Variants in LEPR observed in about 807,000 individuals in gnomAD.
LEPR encodes leptin receptor, also known as OB receptor.
Under a neutral mutation model 114.7 loss-of-function variants are expected in LEPR, and 56 were observed. That is an observed-to-expected ratio of 0.49 (90% CI 0.39 to 0.61). LEPR has a LOEUF of 0.61. LEPR is among the 20% of genes least tolerant of loss of function. The pLI is 0.00. For synonymous variants in LEPR, 443 were observed against 461.4 expected (o/e 0.96, Z 0.51); for missense variants, 1,202 against 1,352.9 (o/e 0.89, Z 1.75).
intron 2 of LEPR, among the ~76,000 whole-genome samples, chr1:65,468,703 T>C (rs1448183139): frequency 6.6e-6 from 1 of 152,220 alleles, no homozygotes; most frequent in African/African-American, 2.4e-5. Flanking sequence ...TATAGCTCTA[T>C]GGAACCGTAT....
At chr1:65,501,671 C>T (rs545309017) in intron 2 of LEPR, among the ~76,000 whole-genome samples, 1 of 152,100 alleles carries the variant, frequency 6.6e-6, no homozygotes. Context: ...TCTTGCCTCT[C>T]CCTTAAATAT....
intron 2 of LEPR, among the ~76,000 whole-genome samples, chr1:65,507,917 T>A (rs1324310915): frequency 6.6e-6 from 1 of 152,222 alleles, no homozygotes; most frequent in East Asian, 1.9e-4. Context: ...GTAGTTTTAA[T>A]ATGCATTTCT....
At chr1:65,557,546 A>G (rs944006124) in intron 2 of LEPR, among the ~76,000 whole-genome samples, 1 of 152,060 alleles carries the variant, frequency 6.6e-6, no homozygotes, top group South Asian at 2.1e-4. Flanking sequence ...CAGCCTCCCA[A>G]GTAGCTGGGA....
At chr1:65,458,453 A>T (rs983266788) in intron 2 of LEPR, among the ~76,000 whole-genome samples, 2 of 152,208 alleles carry the variant, frequency 1.3e-5, no homozygotes, top group Non-Finnish European at 2.9e-5. Context: ...CAGAATTCTA[A>T]ATTGGTGATT....
chr1:65,424,241 G>A (rs1646313651), intron 1 of LEPR, among the ~76,000 whole-genome samples: 1 of 152,250 alleles, frequency 6.6e-6, no homozygotes, highest in African/African-American at 2.4e-5. Context: ...GTGCACACTA[G>A]TTGGGAATTG....
chr1:65,613,571 G>A (rs1189550390), intron 14 of LEPR, among the ~76,000 whole-genome samples: 1 of 131,886 alleles, frequency 7.6e-6, no homozygotes, highest in Admixed American at 7.8e-5. Flanking sequence ...GGCTAACAAG[G>A]TGAAACCCCG....
At chr1:65,466,375 G>A (rs977337224) in intron 2 of LEPR, among the ~76,000 whole-genome samples, 2 of 152,126 alleles carry the variant, frequency 1.3e-5, no homozygotes, top group Non-Finnish European at 2.9e-5. Context: ...TGGCTTGTAG[G>A]GTTTCTGCCG....
At chr1:65,589,527 T>TTTTTTTTTTTTTTTTGAGACGGAG in intron 5 of LEPR, among the ~76,000 whole-genome samples, 1 of 152,182 alleles carries the variant, frequency 6.6e-6, no homozygotes, top group African/African-American at 2.4e-5. Flanking sequence ...TTATGTTTTC[T>TTTTTTTTTTTTTTTTGAGACGGAG]TCTAGAAGTT....
At chr1:65,514,431 AG>A (rs1284890464) in intron 2 of LEPR, among the ~76,000 whole-genome samples, 1 of 152,240 alleles carries the variant, frequency 6.6e-6, no homozygotes, top group Non-Finnish European at 1.5e-5. Context: ...GGTCTTACAT[AG>A]ATATTTTCAA....
intron 2 of LEPR, chr1:65,430,097 C>T: frequency 6.9e-7 from 1 of 1,458,782 alleles, no homozygotes; most frequent in South Asian, 1.5e-5. Flanking sequence ...GAGTTTACTT[C>T]AGAGGCCTGT....
chr1:65,565,354 G>A (rs1653658633), intron 2 of LEPR, among the ~76,000 whole-genome samples, 192 bp from the exon 3 acceptor site: 1 of 152,210 alleles, frequency 6.6e-6, no homozygotes, highest in Non-Finnish European at 1.5e-5. Context: ...AATGATGTAA[G>A]ATAGGATGCG....
At chr1:65,581,115 T>C (rs1175061874) in intron 5 of LEPR, among the ~76,000 whole-genome samples, 1 of 152,188 alleles carries the variant, frequency 6.6e-6, no homozygotes, top group African/African-American at 2.4e-5. Flanking sequence ...CTTGAATGCT[T>C]ATTTTCAATA....
At chr1:65,461,162 A>T (rs181065857) in intron 2 of LEPR, among the ~76,000 whole-genome samples, 2 of 151,374 alleles carry the variant, frequency 1.3e-5, no homozygotes, top group East Asian at 3.9e-4. Context: ...TTTAGTAAAG[A>T]TGGGGTTTTA....
intron 2 of LEPR, among the ~76,000 whole-genome samples, chr1:65,468,567 T>A (rs1647044393): frequency 6.6e-6 from 1 of 152,208 alleles, no homozygotes; most frequent in Non-Finnish European, 1.5e-5. Context: ...CACAGAGGAC[T>A]AGAACCTGTA....
chr1:65,621,522 T>G lies in LEPR; in HGVS notation c.2597+64T>G. 2.3e-6 allele frequency: 3 copies of G among 1,316,704 alleles called. No homozygotes were observed. In the Admixed American group the frequency reaches 5.3e-5, roughly 23 times the overall value. The allele number at this position is 1,316,704 out of a possible 1,614,324, so 81.6% of individuals were successfully genotyped here. ...CCTTACGCGTATTCAAACCCTGATT[T>G]AAAACCTTCTAAATTAGGAATATTA... On this transcript the variant is annotated intron_variant, in intron 18 of 19. Coordinates refer to ENST00000349533, the MANE Select transcript of LEPR (RefSeq NM_002303.6).
rs182223327 is a variant in LEPR at position 65,446,029 on chromosome 1, G to A, written c.-21+20651G>A. On this transcript the variant is annotated intron_variant, in intron 2 of 19. Coordinates refer to ENST00000349533, the MANE Select transcript of LEPR (RefSeq NM_002303.6). ...TTTGTGAGATACCACTAAGTCAAAT[G>A]AGATTGCGTAATGACCAGAGATATT... 5.9e-5 allele frequency among the ~76,000 whole-genome samples: 9 copies of A among 152,302 alleles called. No homozygotes were observed. The East Asian group carries it at 1.7e-3, about 29-fold the overall frequency.
chr1:65,583,140 T>G (rs1655101610), intron 5 of LEPR, among the ~76,000 whole-genome samples: 1 of 152,186 alleles, frequency 6.6e-6, no homozygotes, highest in African/African-American at 2.4e-5. Flanking sequence ...ACTTAGGCTT[T>G]CTGAACTGTA....
chr1:65,427,309 C>A (rs754510899), intron 2 of LEPR, among the ~76,000 whole-genome samples: 38 of 152,188 alleles, frequency 2.5e-4, no homozygotes, highest in Non-Finnish European at 4.7e-4. Context: ...CGTGGTGGCT[C>A]ATGCCTATAA....
At chr1:65,602,264 T>G (rs1359539725) in intron 10 of LEPR, among the ~76,000 whole-genome samples, 1 of 152,060 alleles carries the variant, frequency 6.6e-6, no homozygotes, top group African/African-American at 2.4e-5. Context: ...TTTATATATA[T>G]TTTAATTTGA....
Sources: gnomAD v4.1 joint callset for allele counts (sites outside exome capture counted in the v4.1 genomes callset) on GRCh38, gnomAD v4.1.1 for gene constraint, MANE v1.5 for transcripts, NCBI Gene and HGNC (gene_info 2026-07-23, HGNC 2026-07-21) for gene names.